CA8: variants seen among roughly 807,000 people sequenced by gnomAD.
CA8 encodes carbonic anhydrase-related protein.
CA8 carries 22 observed loss-of-function variants against 41.4 expected under a neutral mutation model. The observed-to-expected ratio is 0.53, with a 90% CI of 0.38 to 0.76. CA8 has a LOEUF of 0.76. Among genes scored for constraint, CA8 ranks in the 30% least tolerant of loss-of-function variants. The probability of loss-of-function intolerance (pLI) is 0.00; values close to 1 mark genes in which losing one functional copy is unlikely to be tolerated. For missense variants in CA8, 270 were observed against 352.8 expected (o/e 0.77, Z 1.88); for synonymous variants, 121 against 130.6 (o/e 0.93, Z 0.50).
chr8:60,248,030 T>C (rs1808309746), intron 3 of CA8, among the ~76,000 whole-genome samples: 2 of 151,190 alleles, frequency 1.3e-5, no homozygotes, highest in South Asian at 4.2e-4. Context: ...TTTTCATATG[T>C]TTGTTGGTCG....
intron 8 of CA8, among the ~76,000 whole-genome samples, chr8:60,203,471 A>G (rs1348912256): frequency 6.6e-6 from 1 of 152,150 alleles, no homozygotes; most frequent in Non-Finnish European, 1.5e-5. Context: ...GTAGACTTTT[A>G]GGCAAGTCTC....
intron 8 of CA8, among the ~76,000 whole-genome samples, chr8:60,205,329 C>A (rs1389452715): frequency 1.3e-5 from 2 of 152,130 alleles, no homozygotes; most frequent in East Asian, 3.8e-4. Flanking sequence ...GCGAGACAGT[C>A]TTTGAGCGTC....
chr8:60,275,951 G>A (rs937160844), intron 2 of CA8, among the ~76,000 whole-genome samples: 6 of 152,154 alleles, frequency 3.9e-5, no homozygotes, highest in South Asian at 2.1e-4. Context: ...AACATCAAAC[G>A]AAGTCAAGAA....
chr8:60,251,352 T>C (rs1189326974), intron 3 of CA8, among the ~76,000 whole-genome samples: 1 of 152,242 alleles, frequency 6.6e-6, no homozygotes. Context: ...GCCCACTATA[T>C]GCCAGGAACT....
chr8:60,206,356 C>CGT (rs1465143183), intron 8 of CA8, among the ~76,000 whole-genome samples: 1 of 151,626 alleles, frequency 6.6e-6, no homozygotes, highest in Non-Finnish European at 1.5e-5. Context: ...TGTGTGTGCG[C>CGT]GTGTGTGTGT....
intron 2 of CA8, among the ~76,000 whole-genome samples, chr8:60,272,593 TC>T (rs1183201509): frequency 2.0e-5 from 3 of 152,102 alleles, no homozygotes; most frequent in Non-Finnish European, 4.4e-5. Flanking sequence ...TGTCCCTTCT[TC>T]CCACACACCT....
chr8:60,231,985 T>C (rs1807663844), intron 4 of CA8, among the ~76,000 whole-genome samples: 1 of 152,204 alleles, frequency 6.6e-6, no homozygotes, highest in Non-Finnish European at 1.5e-5. Flanking sequence ...AGAAATTTTC[T>C]GAAATCCTTT....
chr8:60,247,972 T>C (rs887799871), intron 3 of CA8, among the ~76,000 whole-genome samples: 1 of 152,212 alleles, frequency 6.6e-6, no homozygotes, highest in Admixed American at 6.5e-5. Context: ...TGGTATCTCA[T>C]TATGGTTTTG....
intron 4 of CA8, among the ~76,000 whole-genome samples, chr8:60,228,619 C>T (rs2130485012): frequency 6.6e-6 from 1 of 152,344 alleles, no homozygotes; most frequent in Middle Eastern, 3.4e-3. Flanking sequence ...TTAACCTCTA[C>T]ATCCTTCCGC....
intron 2 of CA8, among the ~76,000 whole-genome samples, chr8:60,271,654 CTA>C (rs1804077925): frequency 6.6e-6 from 1 of 152,126 alleles, no homozygotes; most frequent in Non-Finnish European, 1.5e-5. Flanking sequence ...CACAAATGAC[CTA>C]TCTTGATTGG....
At chr8:60,193,193 G>A (rs1563516991) in intron 8 of CA8, among the ~76,000 whole-genome samples, 1 of 151,940 alleles carries the variant, frequency 6.6e-6, no homozygotes, top group African/African-American at 2.4e-5. Flanking sequence ...AGTGTTCTAC[G>A]TGCTCATAAC....
chr8:60,244,075 T>C, intron 3 of CA8, among the ~76,000 whole-genome samples: 1 of 152,228 alleles, frequency 6.6e-6, no homozygotes, highest in Non-Finnish European at 1.5e-5. Context: ...CCCCTCGGAC[T>C]GTGTCTTTGT....
At chr8:60,276,893 C>T (rs1286989362) in intron 2 of CA8, among the ~76,000 whole-genome samples, 6 of 151,962 alleles carry the variant, frequency 3.9e-5, no homozygotes, top group African/African-American at 1.2e-4. Flanking sequence ...CCGAGGTGGG[C>T]GGATCACCTG....
At chr8:60,201,462 T>G (rs1421702126) in intron 8 of CA8, among the ~76,000 whole-genome samples, 1 of 152,042 alleles carries the variant, frequency 6.6e-6, no homozygotes, top group East Asian at 1.9e-4. Context: ...TGAAAGGTGG[T>G]GCAGGTAGAA....
chr8:60,229,338 G>T (rs1038056593), intron 4 of CA8, among the ~76,000 whole-genome samples: 2 of 152,160 alleles, frequency 1.3e-5, no homozygotes, highest in African/African-American at 4.8e-5. Context: ...ACGCCATGCA[G>T]TCCCCCAGGG....
intron 3 of CA8, among the ~76,000 whole-genome samples, chr8:60,257,638 C>A (rs1476144135): frequency 6.6e-6 from 1 of 152,120 alleles, no homozygotes; most frequent in Non-Finnish European, 1.5e-5. Context: ...AGAACCTACA[C>A]CTTTCTTAAC....
chr8:60,204,092 C>G (rs1005480770), intron 8 of CA8, among the ~76,000 whole-genome samples: 1 of 152,184 alleles, frequency 6.6e-6, no homozygotes, highest in Non-Finnish European at 1.5e-5. Flanking sequence ...TTTAAACCAC[C>G]TACTTACAGG....
chr8:60,222,638 A>T lies in CA8; in HGVS notation c.738+11T>A. 1 of 1,463,136 alleles carries T rather than the reference A, an allele frequency of 6.8e-7. No individual in the cohort carries two copies. Among genetic ancestry groups the T allele is most frequent in the Non-Finnish European group, 9.6e-7 (1 of 1,042,056 alleles). 90.6% of individuals were successfully genotyped at this position (1,463,136 alleles called of 1,614,324 possible). ...AACTTCACTCTGAAAGATTCAAAGT[A>T]GCACACTCACCTGTAGCTGGGATAT... is the stretch of plus-strand genomic sequence containing the variant. On this transcript the variant is annotated intron_variant, in intron 7 of 8. Transcript: ENST00000317995.
At position 60,192,937 on chromosome 8, in the gene CA8, G is replaced by GCGCACA. The variant is rs1554573987; in HGVS notation, c.*36-2953_*36-2952insTGTGCG. The stretch of plus-strand genomic sequence containing the variant: ...CCCTCTTTCCTCCTGTCAACATCAT[G>GCGCACA]CACACACACACACACACACACACAC... On this transcript the variant is annotated intron_variant, in intron 8 of 8. Transcript: ENST00000317995. Among the ~76,000 whole-genome samples, 9 of 140,770 alleles carry GCGCACA rather than the reference G, an allele frequency of 6.4e-5. No homozygotes were observed. The East Asian group carries it at 6.6e-4, about 10-fold the overall frequency. The allele number at this position is 140,770 out of a possible 152,430, so 92.4% of individuals were successfully genotyped here.
Sources: gnomAD v4.1 joint callset for allele counts (sites outside exome capture counted in the v4.1 genomes callset) on GRCh38, gnomAD v4.1.1 for gene constraint, MANE v1.5 for transcripts, NCBI Gene and HGNC (gene_info 2026-07-23, HGNC 2026-07-21) for gene names.